PGBD2: variants seen among roughly 807,000 people sequenced by gnomAD.
PGBD2 encodes the protein piggyBac transposable element derived 2, also known as piggyBac transposable element-derived protein 2.
Under a neutral mutation model 8.1 loss-of-function variants are expected in PGBD2, and 6 were observed. That is an observed-to-expected ratio of 0.74 (90% CI 0.40 to 1.46). PGBD2 has a LOEUF of 1.46. Ranked by LOEUF, PGBD2 falls within the 40% of genes most tolerant of loss-of-function variation. PGBD2 has a pLI of 0.02. For synonymous variants in PGBD2, 318 were observed against 272.2 expected, an observed-to-expected ratio of 1.17 and a Z score of -1.66; for missense variants, 802 against 739.0, an observed-to-expected ratio of 1.09 and a Z score of -0.99.
the PGBD2 span, among the ~76,000 whole-genome samples, chr1:248,873,869 G>A: frequency 6.6e-6 from 1 of 152,240 alleles, no homozygotes; most frequent in East Asian, 1.9e-4. Flanking sequence ...GGATGGCCGA[G>A]TGGTCTAAGG....
chr1:248,916,801 A>G lies in PGBD2; in HGVS notation c.217A>G (p.Ser73Gly). ...CCAGCGAGGTGCTCACCTACCTGGCAGTGTGCTGCATGCTTCAGTCCTGTG... is the reference window on the plus strand; with the variant it reads ...CCAGCGAGGTGCTCACCTACCTGGCGGTGTGCTGCATGCTTCAGTCCTGTG... ...DSQRGAHLPG[S>G]VLHASVLCED... Residue 73 changes from serine to glycine, a missense_variant, in exon 3 of 3, where the codon AGT becomes GGT. Transcript: ENST00000329291. 1 of 1,614,182 alleles carries G rather than the reference A, an allele frequency of 6.2e-7. No homozygotes were observed. Among genetic ancestry groups the G allele is most frequent in the South Asian group, 1.1e-5 (1 of 91,086 alleles).
At chr1:248,885,533 C>G in the PGBD2 span, among the ~76,000 whole-genome samples, 2 of 152,102 alleles carry the variant, frequency 1.3e-5, no homozygotes, top group Admixed American at 1.3e-4. Context: ...TTTCAAAACC[C>G]AGTCTTGGTT....
the PGBD2 span, among the ~76,000 whole-genome samples, chr1:248,877,736 A>G: frequency 6.6e-6 from 1 of 152,220 alleles, no homozygotes; most frequent in African/African-American, 2.4e-5. Context: ...GTGTGTTACT[A>G]TGATGGCTAA....
the PGBD2 span, among the ~76,000 whole-genome samples, chr1:248,887,189 C>G: frequency 2.0e-5 from 3 of 152,050 alleles, no homozygotes; most frequent in South Asian, 4.1e-4. Context: ...TTTCCAAAAC[C>G]AGAAAGTTAT....
the PGBD2 span, among the ~76,000 whole-genome samples, chr1:248,901,088 G>C: frequency 6.6e-6 from 1 of 152,102 alleles, no homozygotes; most frequent in Non-Finnish European, 1.5e-5. Flanking sequence ...AAGGAAATCA[G>C]AGAGGACACA....
At chr1:248,889,916 T>C in the PGBD2 span, among the ~76,000 whole-genome samples, 1 of 149,644 alleles carries the variant, frequency 6.7e-6, no homozygotes, top group Non-Finnish European at 1.5e-5. Context: ...TGAATCCTTT[T>C]CTTTTTCTTT....
chr1:248,922,111 G>A (rs1165218053), downstream of PGBD2, among the ~76,000 whole-genome samples: 1 of 150,440 alleles, frequency 6.6e-6, no homozygotes, highest in African/African-American at 2.5e-5. Flanking sequence ...CCAGGCTGGA[G>A]TGCAGTGGCA....
In PGBD2 at chr1:248,917,007, C is replaced by T. The variant is rs951572845; in HGVS notation, c.423C>T (p.Pro141=). 6 of 1,613,630 alleles carry T rather than the reference C, an allele frequency of 3.7e-6. No homozygotes were observed. Among genetic ancestry groups the T allele is most frequent in the South Asian group, 2.2e-5 (2 of 90,974 alleles). ...IEDLKSQELS[P]VGLFELFFDE... ...ATCTGAAAAGCCAAGAGCTGAGTCC[C>T]GTGGGCCTTTTTGAGTTGTTTTTTG... is the stretch of plus-strand genomic sequence containing the variant. The change falls in exon 3 of 3, where the codon CCC becomes CCT. Residue 141 remains proline, a synonymous_variant. Coordinates refer to ENST00000329291, the MANE Select transcript of PGBD2 (RefSeq NM_170725.3).
chr1:248,874,407 A>G, the PGBD2 span, among the ~76,000 whole-genome samples: 3 of 152,314 alleles, frequency 2.0e-5, no homozygotes, highest in South Asian at 6.2e-4. Flanking sequence ...AACAAAGGGC[A>G]AAACGCACCT....
In PGBD2 at chr1:248,918,735, G is replaced by T. The variant is rs570572554; in HGVS notation, c.*372G>T. The T allele has an allele frequency of 6.0e-6, 1 of 167,224 alleles. No individual in the cohort carries two copies. The highest frequency in any genetic ancestry group is 1.9e-4 in the East Asian group (1 of 5,212). 10.4% of individuals were successfully genotyped at this position (167,224 alleles called of 1,614,324 possible). The stretch of plus-strand genomic sequence containing the variant: ...TTGCATGCCATGGTTTATAATCTAA[G>T]ATAGGCAATAGTGTATAAATATCAT... On this transcript the variant is annotated 3_prime_UTR_variant, in exon 3 of 3. Transcript: ENST00000329291.
At chr1:248,891,082 A>T in the PGBD2 span, among the ~76,000 whole-genome samples, 285 of 152,344 alleles carry the variant, frequency 1.9e-3, 1 homozygote, top group African/African-American at 6.5e-3. Context: ...ATGCATGGTA[A>T]CATAGACATA....
chr1:248,878,386 C>G, the PGBD2 span, among the ~76,000 whole-genome samples: 12 of 152,142 alleles, frequency 7.9e-5, no homozygotes, highest in Non-Finnish European at 1.6e-4. Flanking sequence ...ACTATGTTGG[C>G]CAGGCTGGTC....
At chr1:248,876,523 TG>T in the PGBD2 span, among the ~76,000 whole-genome samples, 1 of 152,194 alleles carries the variant, frequency 6.6e-6, no homozygotes, top group Non-Finnish European at 1.5e-5. Context: ...TGTTTAACCT[TG>T]CATTTTGTAA....
intron 2 of PGBD2, among the ~76,000 whole-genome samples, chr1:248,916,401 T>A (rs1489681874): frequency 1.3e-5 from 2 of 148,554 alleles, no homozygotes; most frequent in African/African-American, 2.5e-5. Context: ...TGACTCCGTC[T>A]AAAAAAAAAA....
At chr1:248,919,418 A>G (rs1320304530), downstream of PGBD2, 1 of 166,728 alleles carries the variant, frequency 6.0e-6, no homozygotes, top group African/African-American at 2.4e-5. Context: ...ATGACTGAAT[A>G]TCATTTTTTT....
At chr1:248,882,589 T>C in the PGBD2 span, among the ~76,000 whole-genome samples, 1 of 152,182 alleles carries the variant, frequency 6.6e-6, no homozygotes, top group African/African-American at 2.4e-5. Context: ...AGAAGAGCCG[T>C]GGCAAGATGA....
At chr1:248,902,417 C>T (rs940027390), upstream of PGBD2, among the ~76,000 whole-genome samples, 3 of 152,132 alleles carry the variant, frequency 2.0e-5, no homozygotes. Context: ...TCAGTTCAAC[C>T]ATTGTGAAAG....
chr1:248,926,525 GCTT>G, the PGBD2 span, among the ~76,000 whole-genome samples: 4 of 152,164 alleles, frequency 2.6e-5, no homozygotes, highest in East Asian at 7.7e-4. Context: ...GACTTTGAAA[GCTT>G]CTTTTGGTCT....
the PGBD2 span, among the ~76,000 whole-genome samples, chr1:248,928,924 A>G: frequency 6.6e-6 from 1 of 152,220 alleles, no homozygotes; most frequent in South Asian, 2.1e-4. Flanking sequence ...GGAACCTAAG[A>G]AATTCATCTC....
Sources: allele counts gnomAD v4.1 joint callset (sites outside exome capture counted in the v4.1 genomes callset), GRCh38; gene constraint gnomAD v4.1.1; transcripts MANE v1.5; gene names NCBI Gene and HGNC (gene_info 2026-07-23, HGNC 2026-07-21).